Variants in SNTG1 observed in about 807,000 individuals in gnomAD.
SNTG1 encodes syntrophin gamma 1.
SNTG1 carries 39 observed loss-of-function variants against 74.7 expected under a neutral mutation model. The observed-to-expected ratio is 0.52, with a 90% CI of 0.40 to 0.68. The LOEUF (loss-of-function observed/expected upper bound fraction) is 0.68, where lower values mean the gene tolerates loss of function less well. SNTG1 is among the 30% of genes least tolerant of loss of function. The probability of loss-of-function intolerance (pLI) is 0.00; values close to 1 mark genes in which losing one functional copy is unlikely to be tolerated. For synonymous variants in SNTG1, 254 were observed against 217.1 expected, an observed-to-expected ratio of 1.17 and a Z score of -1.49; for missense variants, 685 against 609.5, an observed-to-expected ratio of 1.12 and a Z score of -1.30.
intron 4 of SNTG1, among the ~76,000 whole-genome samples, chr8:50,428,147 A>C (rs1217740118): frequency 2.6e-5 from 4 of 152,098 alleles, no homozygotes; most frequent in Non-Finnish European, 5.9e-5. Context: ...ACATTTCTAC[A>C]AAAAATTAAA....
intron 1 of SNTG1, among the ~76,000 whole-genome samples, chr8:50,017,547 C>T (rs1816437548): frequency 6.6e-6 from 1 of 151,620 alleles, no homozygotes; most frequent in African/African-American, 2.4e-5. Context: ...CATGGAAAGA[C>T]ACAAATAAGT....
chr8:49,988,495 G>T (rs1813381968), intron 1 of SNTG1, among the ~76,000 whole-genome samples: 1 of 152,040 alleles, frequency 6.6e-6, no homozygotes, highest in Non-Finnish European at 1.5e-5. Context: ...TGAAAATTTT[G>T]GAGTTAAAAA....
chr8:50,357,643 A>C (rs553690275), intron 2 of SNTG1, among the ~76,000 whole-genome samples: 1 of 152,338 alleles, frequency 6.6e-6, no homozygotes, highest in East Asian at 1.9e-4. Context: ...TAATGTTGTC[A>C]GCTTTTGATT....
chr8:50,422,570 C>A (rs762264276), intron 4 of SNTG1, among the ~76,000 whole-genome samples: 12 of 151,368 alleles, frequency 7.9e-5, no homozygotes, highest in South Asian at 2.1e-4. Flanking sequence ...TTGCTCAAAT[C>A]AATCTCTCCA....
chr8:50,152,453 T>A lies in SNTG1; in HGVS notation c.-102-20108T>A, dbSNP rs577738415. Among the ~76,000 whole-genome samples, 3 of 152,314 alleles carry A rather than the reference T, an allele frequency of 2.0e-5. No homozygotes were observed. The South Asian group carries it at 6.2e-4, about 32-fold the overall frequency. On this transcript the variant is annotated intron_variant, in intron 1 of 18. Transcript: ENST00000642720. ...GTGTGAATTTGATCCTGTCATTATA[T>A]GTTATCTGGTTATTTTGCTTGTTAA... is the stretch of plus-strand genomic sequence containing the variant.
Position 50,487,692 on chromosome 8 carries a change from TCGGAG to T in SNTG1, c.364-15085_364-15081del, listed in dbSNP as rs2093809965. Among the ~76,000 whole-genome samples the T allele has an allele frequency of 6.2e-5, 4 of 64,466 alleles. No individual in the cohort carries two copies. In the South Asian group the frequency reaches 2.4e-3, roughly 39 times the overall value. 42.3% of individuals were successfully genotyped at this position (64,466 alleles called of 152,430 possible). On this transcript the variant is annotated intron_variant, in intron 8 of 18. Transcript: ENST00000642720. Reference sequence around the variant, plus strand: ...TCACACTCTGGGGACTGTTGTGGGGTCGGAGGGGGGGGAGGGATAGCACTGGGAGA... The same window carrying T: ...TCACACTCTGGGGACTGTTGTGGGGTGGGGGGGAGGGATAGCACTGGGAGA...
At chr8:50,376,316 G>T (rs981746363) in intron 2 of SNTG1, among the ~76,000 whole-genome samples, 5 of 152,052 alleles carry the variant, frequency 3.3e-5, no homozygotes, top group Non-Finnish European at 7.4e-5. Context: ...TTGCTATTCA[G>T]ATTTGAGGTT....
chr8:50,655,854 A>T (rs1563700907), intron 13 of SNTG1, among the ~76,000 whole-genome samples: 1 of 152,162 alleles, frequency 6.6e-6, no homozygotes, highest in Non-Finnish European at 1.5e-5. Flanking sequence ...CTGAAAGTAA[A>T]CTGATTGTCA....
chr8:50,501,426 T>G lies in SNTG1; in HGVS notation c.364-1352T>G, dbSNP rs957611759. Among the ~76,000 whole-genome samples the G allele has an allele frequency of 1.5e-4, 8 of 53,734 alleles. No individual in the cohort carries two copies. The East Asian group carries it at 2.0e-3, about 14-fold the overall frequency. 35.3% of individuals were successfully genotyped at this position (53,734 alleles called of 152,430 possible). A position where few individuals can be genotyped will look rare whatever the true frequency, so the allele number is the denominator to read the frequency against. ...GAGCAGAGAGAGATGAGCCTGTGCG[T>G]TTTTTTTTTTTTTTTTTTTTTTTTT... On this transcript the variant is annotated intron_variant, in intron 8 of 18. Coordinates refer to ENST00000642720, the MANE Select transcript of SNTG1 (RefSeq NM_018967.5).
chr8:50,709,393 A>G (rs1414289839), intron 17 of SNTG1, among the ~76,000 whole-genome samples: 1 of 152,138 alleles, frequency 6.6e-6, no homozygotes, highest in Non-Finnish European at 1.5e-5. Context: ...TTTAAAAAAA[A>G]TTATAGCTGA....
At chr8:50,249,131 G>T (rs1337747085) in intron 2 of SNTG1, among the ~76,000 whole-genome samples, 1 of 152,066 alleles carries the variant, frequency 6.6e-6, no homozygotes, top group East Asian at 1.9e-4. Context: ...GACACTCATT[G>T]GTCTTCATCA....
chr8:50,472,280 C>T (rs2093659675), intron 8 of SNTG1, among the ~76,000 whole-genome samples: 1 of 152,156 alleles, frequency 6.6e-6, no homozygotes, highest in Non-Finnish European at 1.5e-5. Flanking sequence ...ATTACACTTC[C>T]TGATTCCAAA....
intron 9 of SNTG1, among the ~76,000 whole-genome samples, chr8:50,515,683 C>G (rs2094127202): frequency 6.6e-6 from 1 of 152,124 alleles, no homozygotes; most frequent in Non-Finnish European, 1.5e-5. Flanking sequence ...AACAAAGTTG[C>G]TGGGAACTTC....
chr8:50,396,243 A>C (rs1259433446), intron 3 of SNTG1, among the ~76,000 whole-genome samples: 1 of 152,224 alleles, frequency 6.6e-6, no homozygotes, highest in Non-Finnish European at 1.5e-5. Context: ...CACTCATGTG[A>C]GATATAGCTA....
intron 2 of SNTG1, among the ~76,000 whole-genome samples, chr8:50,320,057 G>A (rs1157891822): frequency 2.0e-5 from 3 of 152,188 alleles, no homozygotes; most frequent in African/African-American, 7.2e-5. Flanking sequence ...CTCTTCCTCT[G>A]TGTTTCAGAA....
At chr8:50,530,097 T>C in intron 9 of SNTG1, 80 bp from the exon 10 acceptor site, 1 of 1,137,188 alleles carries the variant, frequency 8.8e-7, no homozygotes, top group Non-Finnish European at 1.3e-6. Context: ...CTGAGTATCC[T>C]TGAAAGTGTA....
chr8:50,463,387 T>C (rs544810699), intron 8 of SNTG1, among the ~76,000 whole-genome samples: 21 of 152,170 alleles, frequency 1.4e-4, no homozygotes, highest in Admixed American at 8.5e-4. Flanking sequence ...CCTTACGAAA[T>C]GTATTTCCTA....
At chr8:49,918,411 A>G (rs1036864426) in intron 1 of SNTG1, among the ~76,000 whole-genome samples, 11 of 152,198 alleles carry the variant, frequency 7.2e-5, no homozygotes, top group African/African-American at 2.4e-4. Flanking sequence ...CTTGATTAAC[A>G]GTGAGACTAA....
At chr8:50,207,439 A>G (rs2084300276) in intron 2 of SNTG1, among the ~76,000 whole-genome samples, 3 of 151,860 alleles carry the variant, frequency 2.0e-5, no homozygotes, top group East Asian at 1.9e-4. Flanking sequence ...TATTGTGTCT[A>G]TTTGATTCTT....
Sources: allele counts gnomAD v4.1 joint callset (sites outside exome capture counted in the v4.1 genomes callset), GRCh38; gene constraint gnomAD v4.1.1; transcripts MANE v1.5; gene names NCBI Gene and HGNC (gene_info 2026-07-23, HGNC 2026-07-21).